The following TNPO1 variants were observed in gnomAD, a reference collection of about 807,000 sequenced individuals.
TNPO1 encodes the protein transportin 1.
Under a neutral mutation model 119.5 loss-of-function variants are expected in TNPO1, and 8 were observed. The observed-to-expected ratio is 0.07, with a 90% CI of 0.04 to 0.12. The LOEUF is 0.12. Ranked by LOEUF, TNPO1 falls within the 10% of genes least tolerant of loss-of-function variation. The pLI, the probability that TNPO1 is intolerant of heterozygous loss-of-function variation, is 1.00. For missense variants in TNPO1, 576 were observed against 1,089.8 expected (o/e 0.53, Z 6.64); for synonymous variants, 362 against 363.0 (o/e 1.00, Z 0.03).
At chr5:72,819,361 G>A (rs879853709) in intron 1 of TNPO1, among the ~76,000 whole-genome samples, 4 of 152,206 alleles carry the variant, frequency 2.6e-5, no homozygotes, top group Non-Finnish European at 5.9e-5. Context: ...CTGATTTGTA[G>A]TTGTATGCGT....
chr5:72,868,901 G>A lies in TNPO1; in HGVS notation c.596+3172G>A, dbSNP rs958515790. ...CGGGTGCTTGTAATCCTAGCTACTC[G>A]GGAGGCTGAGGCATGAGAATCACTT... On this transcript the variant is annotated intron_variant, in intron 6 of 24. Coordinates refer to ENST00000337273, the MANE Select transcript of TNPO1 (RefSeq NM_002270.4). 3.3e-5 allele frequency among the ~76,000 whole-genome samples: 5 copies of A among 152,000 alleles called. No individual in the cohort carries two copies. In the South Asian group the frequency reaches 6.2e-4, roughly 19 times the overall value.
At chr5:72,816,850 C>T in intron 1 of TNPO1, 98 bp downstream of exon 1, 1 of 1,403,080 alleles carries the variant, frequency 7.1e-7, no homozygotes. Flanking sequence ...AGACGCCGGG[C>T]TCGCCCGCTC....
In TNPO1 at chr5:72,909,041, C is replaced by A; in HGVS notation, c.*368C>A. On this transcript the variant is annotated 3_prime_UTR_variant, in exon 25 of 25. Coordinates refer to ENST00000337273, the MANE Select transcript of TNPO1 (RefSeq NM_002270.4). ...AAAACAAGAACCATATAAATGATGC[C>A]TAGGGACAAGAAAGAGGAACAATTC... The A allele has an allele frequency of 3.8e-6, 1 of 265,702 alleles. No homozygotes were observed. The allele number at this position is 265,702 out of a possible 1,614,324, so 16.5% of individuals were successfully genotyped here.
intron 19 of TNPO1, 81 bp from the exon 20 acceptor site, chr5:72,896,975 C>T (rs543731849): frequency 3.9e-5 from 29 of 739,012 alleles, no homozygotes; most frequent in Admixed American, 9.9e-5. Flanking sequence ...AGAGTTAATA[C>T]GGGAAGCAAA....
intron 3 of TNPO1, among the ~76,000 whole-genome samples, chr5:72,853,068 T>A (rs941583961): frequency 3.9e-5 from 6 of 152,228 alleles, no homozygotes; most frequent in African/African-American, 1.4e-4. Flanking sequence ...ATATTAGGAT[T>A]GTTACAATAT....
Position 72,909,285 on chromosome 5 carries a change from AC to A in TNPO1, c.*616del, listed in dbSNP as rs1002054911. ...GTTCTTGGAAGTTACAATTTAAGGTACCCCAAAAAAGTTGGAAATAAAACAA... is the reference window on the plus strand; with the variant it reads ...GTTCTTGGAAGTTACAATTTAAGGTACCCAAAAAAGTTGGAAATAAAACAA... On this transcript the variant is annotated 3_prime_UTR_variant, in exon 25 of 25. Transcript: ENST00000337273. 6.6e-6 allele frequency: 1 copy of A among 152,164 alleles called. No homozygotes were observed. The highest frequency in any genetic ancestry group is 2.4e-5 in the African/African-American group (1 of 41,374). The allele number at this position is 152,164 out of a possible 1,614,324, so 9.4% of individuals were successfully genotyped here.
At chr5:72,903,662 TTGACAAA>T in intron 22 of TNPO1, 40 bp from the exon 23 acceptor site, 1 of 1,329,606 alleles carries the variant, frequency 7.5e-7, no homozygotes, top group Non-Finnish European at 1.1e-6. Context: ...TTTGCTGAGT[TTGACAAA>T]TACAATATCA....
At chr5:72,818,592 T>C (rs1743803197) in intron 1 of TNPO1, among the ~76,000 whole-genome samples, 1 of 152,186 alleles carries the variant, frequency 6.6e-6, no homozygotes, top group African/African-American at 2.4e-5. Context: ...ACATAGGTAA[T>C]GAAATAAATG....
At chr5:72,881,668 T>G (rs924712199) in intron 9 of TNPO1, among the ~76,000 whole-genome samples, 4 of 152,234 alleles carry the variant, frequency 2.6e-5, no homozygotes, top group Non-Finnish European at 5.9e-5. Context: ...TCTTTTGATA[T>G]TCTCTTAATT....
At chr5:72,881,086 C>T (rs1195258850) in intron 9 of TNPO1, among the ~76,000 whole-genome samples, 1 of 151,962 alleles carries the variant, frequency 6.6e-6, no homozygotes, top group Non-Finnish European at 1.5e-5. Context: ...CCCTTGACCT[C>T]TTTGTGTTCT....
chr5:72,885,262 A>G (rs1748533782), intron 11 of TNPO1, among the ~76,000 whole-genome samples: 1 of 152,250 alleles, frequency 6.6e-6, no homozygotes, highest in African/African-American at 2.4e-5. Flanking sequence ...TAGCACATCT[A>G]GTACTGGGAC....
At chr5:72,879,090 A>G in intron 9 of TNPO1, 1 of 226,658 alleles carries the variant, frequency 4.4e-6, no homozygotes, top group African/African-American at 2.3e-5. Context: ...ATGCGTCAAC[A>G]TCTTCAATTT....
Position 72,843,705 on chromosome 5 carries a change from G to T in TNPO1, c.16-4680G>T, listed in dbSNP as rs1025096114. 5.9e-5 allele frequency among the ~76,000 whole-genome samples: 9 copies of T among 152,170 alleles called. No homozygotes were observed. In the South Asian group the frequency reaches 1.0e-3, roughly 18 times the overall value. On this transcript the variant is annotated intron_variant, in intron 1 of 24. Coordinates refer to ENST00000337273, the MANE Select transcript of TNPO1 (RefSeq NM_002270.4). ...AGAGTTGTTTACCATTTTGGGAAATGACGTCACTAATAGCAACATTTCTCA... is the reference window on the plus strand; with the variant it reads ...AGAGTTGTTTACCATTTTGGGAAATTACGTCACTAATAGCAACATTTCTCA...
rs946352146 is a variant in TNPO1 at position 72,905,925 on chromosome 5, T to A, written c.*35+480T>A. Among the ~76,000 whole-genome samples, 4 of 152,034 alleles carry A rather than the reference T, an allele frequency of 2.6e-5. No homozygotes were observed. The East Asian group carries it at 7.7e-4, about 29-fold the overall frequency. Reference sequence around the variant, plus strand: ...TAAATAGAAAATAAAATTACTCAAGTGAAGGCTAAAGAAATTTTCTTAATA... The same window carrying A: ...TAAATAGAAAATAAAATTACTCAAGAGAAGGCTAAAGAAATTTTCTTAATA... On this transcript the variant is annotated intron_variant, in intron 24 of 24. Transcript: ENST00000337273.
intron 6 of TNPO1, among the ~76,000 whole-genome samples, chr5:72,871,128 C>T (rs2112360987): frequency 6.6e-6 from 1 of 152,234 alleles, no homozygotes; most frequent in Non-Finnish European, 1.5e-5. Flanking sequence ...AGGCATGCAC[C>T]ACCAGGCCCG....
intron 3 of TNPO1, among the ~76,000 whole-genome samples, chr5:72,854,629 A>T (rs1436761296): frequency 6.6e-6 from 1 of 152,208 alleles, no homozygotes; most frequent in Non-Finnish European, 1.5e-5. Flanking sequence ...TGTAAGGATT[A>T]AGTGCAGTGC....
chr5:72,851,250 G>A lies in TNPO1; in HGVS notation c.136G>A (p.Glu46Lys), dbSNP rs768538322. The change falls in exon 3 of 25, where the codon GAA becomes AAA. Residue 46 changes from glutamate (E) to lysine (K), a missense_variant. By Grantham distance (56) the Glu-to-Lys change is moderately conservative. This residue lies in a region of TNPO1 where 57 missense variants were observed against 59.5 expected (regional missense o/e 0.96). Transcript: ENST00000337273. ...TAACTACTGTTTGTTCTAGAAACTG[G>A]AACAACTTAATCAGTATCCAGACTT... ...TIQRTVQQKL[E>K]QLNQYPDFNN... 5 of 1,592,764 alleles carry A rather than the reference G, an allele frequency of 3.1e-6. No individual in the cohort carries two copies. In the South Asian group the frequency reaches 5.7e-5, roughly 18 times the overall value.
At chr5:72,875,544 A>G (rs1032132977) in intron 7 of TNPO1, 71 bp from the exon 8 acceptor site, 3 of 1,529,238 alleles carry the variant, frequency 2.0e-6, no homozygotes, top group African/African-American at 2.7e-5. Context: ...AAATGTCACC[A>G]ACTTGCAGAT....
chr5:72,853,241 A>G (rs978055321), intron 3 of TNPO1, among the ~76,000 whole-genome samples: 11 of 152,286 alleles, frequency 7.2e-5, no homozygotes, highest in African/African-American at 2.4e-4. Context: ...GCTTCAGGCA[A>G]GGAGTTCAAG....
Sources: gnomAD v4.1 joint callset for allele counts (sites outside exome capture counted in the v4.1 genomes callset) on GRCh38, gnomAD v4.1.1 for gene constraint, gnomAD v4.1.1 regional missense constraint, MANE v1.5 for transcripts, NCBI Gene and HGNC (gene_info 2026-07-23, HGNC 2026-07-21) for gene names.